The following SUMF1 variants were observed in gnomAD, a reference collection of about 807,000 sequenced individuals.
The protein encoded by SUMF1 is formylglycine-generating enzyme.
In SUMF1, 48 loss-of-function variants were observed where a neutral mutation model predicts 47.6. The ratio of observed to expected loss-of-function variants is 1.01; its 90% confidence interval spans 0.80 to 1.28. SUMF1 has a LOEUF of 1.28. Ranked by LOEUF, SUMF1 falls within the 50% of genes most tolerant of loss-of-function variation. The pLI is 0.00. For synonymous variants in SUMF1, 230 were observed against 192.1 expected, an observed-to-expected ratio of 1.20 and a Z score of -1.63; for missense variants, 571 against 485.4, an observed-to-expected ratio of 1.18 and a Z score of -1.66.
intron 7 of SUMF1, among the ~76,000 whole-genome samples, chr3:4,394,860 C>G (rs557838544): frequency 4.6e-5 from 7 of 152,178 alleles, no homozygotes; most frequent in Non-Finnish European, 8.8e-5. Flanking sequence ...TCCACATCAT[C>G]AAAGTATTTT....
chr3:4,308,062 C>CT (rs1424046953), intron 8 of SUMF1, among the ~76,000 whole-genome samples: 1 of 152,066 alleles, frequency 6.6e-6, no homozygotes, highest in Non-Finnish European at 1.5e-5. Context: ...GTCCTTTATA[C>CT]TTTTCTGACT....
chr3:4,286,492 A>C (rs1039422798), intron 8 of SUMF1, among the ~76,000 whole-genome samples: 2 of 152,160 alleles, frequency 1.3e-5, no homozygotes, highest in Non-Finnish European at 2.9e-5. Context: ...ACTTATTTGA[A>C]GAAAGAATAT....
intron 8 of SUMF1, among the ~76,000 whole-genome samples, chr3:4,375,254 G>A (rs1440083334): frequency 6.6e-6 from 1 of 151,596 alleles, no homozygotes; most frequent in Non-Finnish European, 1.5e-5. Context: ...CTGAATCACT[G>A]GATTAAAAAT....
intron 4 of SUMF1, 106 bp downstream of exon 4, chr3:4,419,958 C>A (rs958280066): frequency 8.9e-6 from 8 of 903,884 alleles, no homozygotes; most frequent in African/African-American, 1.6e-5. Context: ...GTTTGTCATT[C>A]TTATCATTTT....
At chr3:4,134,794 C>T (rs907218362) in intron 8 of SUMF1, among the ~76,000 whole-genome samples, 2 of 152,094 alleles carry the variant, frequency 1.3e-5, no homozygotes, top group African/African-American at 2.4e-5. Flanking sequence ...GGGGGTATCA[C>T]CACCGATCCC....
chr3:4,091,607 A>G (rs1299390848), intron 8 of SUMF1, among the ~76,000 whole-genome samples: 4 of 152,146 alleles, frequency 2.6e-5, no homozygotes, highest in Non-Finnish European at 4.4e-5. Flanking sequence ...AACCTCGAAT[A>G]GGATAACAGC....
At chr3:4,431,535 C>T (rs867854752) in intron 3 of SUMF1, among the ~76,000 whole-genome samples, 1 of 152,216 alleles carries the variant, frequency 6.6e-6, no homozygotes, top group African/African-American at 2.4e-5. Context: ...GCTGTTGCGT[C>T]GCTCAATAAA....
At chr3:4,412,856 T>G (rs1701589030) in intron 6 of SUMF1, among the ~76,000 whole-genome samples, 2 of 152,026 alleles carry the variant, frequency 1.3e-5, no homozygotes. Flanking sequence ...ACCACTGCAC[T>G]CCAGGCTGGG....
chr3:4,376,627 A>C (rs1700339265), intron 7 of SUMF1, among the ~76,000 whole-genome samples: 1 of 152,194 alleles, frequency 6.6e-6, no homozygotes, highest in Admixed American at 6.5e-5. Flanking sequence ...AAGTCTTCGT[A>C]ACTACAGGAA....
chr3:4,417,662 G>A (rs1045508113), intron 5 of SUMF1, among the ~76,000 whole-genome samples: 6 of 152,196 alleles, frequency 3.9e-5, no homozygotes, highest in Admixed American at 2.0e-4. Flanking sequence ...GGCTCTAGAA[G>A]CAGAGACATA....
In SUMF1 at chr3:4,376,215, G is replaced by A. The variant is rs1176146852; in HGVS notation, c.1014+115C>T. The A allele has an allele frequency of 1.2e-5, 15 of 1,257,180 alleles. No homozygotes were observed. In the South Asian group the frequency reaches 1.7e-4, roughly 14 times the overall value. 77.9% of individuals were successfully genotyped at this position (1,257,180 alleles called of 1,614,324 possible). A position where few individuals can be genotyped will look rare whatever the true frequency, so the allele number is the denominator to read the frequency against. ...TCCTCCTTTTTTTCTGGTTTCAGTG[G>A]GGTTAGGTAGGCATTTGCAGAAGTG... On this transcript the variant is annotated intron_variant, in intron 8 of 8. Coordinates refer to ENST00000272902, the MANE Select transcript of SUMF1 (RefSeq NM_182760.4).
At chr3:4,068,709 C>A in exon 9 of SUMF1, 1 of 442,738 alleles carries the variant, frequency 2.3e-6, no homozygotes, top group Non-Finnish European at 4.5e-6. Context: ...ATCTCAGATG[C>A]CACATCTTGA....
intron 8 of SUMF1, among the ~76,000 whole-genome samples, chr3:4,230,365 T>C (rs916052453): frequency 6.6e-6 from 1 of 152,120 alleles, no homozygotes; most frequent in African/African-American, 2.4e-5. Context: ...TGGTCTGTCT[T>C]GGCAACAAAA....
chr3:4,284,597 T>C (rs919985310), intron 8 of SUMF1, among the ~76,000 whole-genome samples: 3 of 152,100 alleles, frequency 2.0e-5, no homozygotes, highest in African/African-American at 7.2e-5. Context: ...TTAAAAACTA[T>C]CTTTGATATA....
chr3:4,240,471 C>T (rs1284042696), intron 8 of SUMF1, among the ~76,000 whole-genome samples: 2 of 151,544 alleles, frequency 1.3e-5, no homozygotes, highest in East Asian at 1.9e-4. Flanking sequence ...CATTTTGAAA[C>T]CTTTGGTACT....
intron 8 of SUMF1, among the ~76,000 whole-genome samples, chr3:4,212,547 G>T (rs1695823019): frequency 6.6e-6 from 1 of 152,262 alleles, no homozygotes; most frequent in South Asian, 2.1e-4. Context: ...AGCAAAAATG[G>T]ACAGAGAATG....
rs555889349 is a variant in SUMF1 at position 4,296,094 on chromosome 3, A to C, written c.1014+80236T>G. 1.1e-4 allele frequency among the ~76,000 whole-genome samples: 16 copies of C among 143,782 alleles called. No homozygotes were observed. The East Asian group carries it at 3.0e-3, about 27-fold the overall frequency. 94.3% of individuals were successfully genotyped at this position (143,782 alleles called of 152,430 possible). On this transcript the variant is annotated intron_variant and NMD_transcript_variant, in intron 8 of 12. Coordinates refer to the SUMF1 transcript ENST00000448413. ...ATTGCCACATTTTTTCTTATAGAAA[A>C]ATGACCCATATGCCTTTGCTTTTTT...
chr3:4,185,713 CT>C (rs2125137556), intron 8 of SUMF1, among the ~76,000 whole-genome samples: 1 of 152,190 alleles, frequency 6.6e-6, no homozygotes, highest in African/African-American at 2.4e-5. Context: ...GTAATAAATG[CT>C]GAGATAGTGA....
intron 9 of SUMF1, among the ~76,000 whole-genome samples, chr3:4,040,450 C>A (rs1316114656): frequency 6.6e-6 from 1 of 152,082 alleles, no homozygotes; most frequent in African/African-American, 2.4e-5. Flanking sequence ...TTCCTCCAGC[C>A]CTGTTTAGCA....
Sources: gnomAD v4.1 joint callset for allele counts (sites outside exome capture counted in the v4.1 genomes callset) on GRCh38, gnomAD v4.1.1 for gene constraint, MANE v1.5 for transcripts, NCBI Gene and HGNC (gene_info 2026-07-23, HGNC 2026-07-21) for gene names.